Variants in FSTL4 observed in about 807,000 individuals in gnomAD.
FSTL4 encodes follistatin-related protein 4.
In FSTL4, 28 loss-of-function variants were observed where a neutral mutation model predicts 78.2. The ratio of observed to expected loss-of-function variants is 0.36; its 90% CI spans 0.27 to 0.49. The LOEUF (loss-of-function observed/expected upper bound fraction) is 0.49, where lower values mean the gene tolerates loss of function less well. FSTL4 is among the 20% of genes least tolerant of loss of function. The pLI, the probability that FSTL4 is intolerant of heterozygous loss-of-function variation, is 0.98. For synonymous variants in FSTL4, 422 were observed against 440.5 expected (o/e 0.96, Z 0.53); for missense variants, 922 against 1,084.9 (o/e 0.85, Z 2.11).
At chr5:133,733,019 C>A in the FSTL4 span, among the ~76,000 whole-genome samples, 1 of 152,210 alleles carries the variant, frequency 6.6e-6, no homozygotes, top group Middle Eastern at 3.2e-3. Flanking sequence ...CAAGTTCTGA[C>A]CCCCACCTAG....
At chr5:133,451,875 G>C (rs1757390961) in intron 3 of FSTL4, among the ~76,000 whole-genome samples, 1 of 152,224 alleles carries the variant, frequency 6.6e-6, no homozygotes, top group South Asian at 2.1e-4. Flanking sequence ...ACCAAGGGAA[G>C]AGAGCATCGA....
chr5:133,620,578 C>G, the FSTL4 span, among the ~76,000 whole-genome samples: 1 of 152,112 alleles, frequency 6.6e-6, no homozygotes, highest in East Asian at 1.9e-4. Flanking sequence ...TTAAACACAG[C>G]CTATTATGGG....
rs546556598 is a variant in FSTL4 at position 133,447,980 on chromosome 5, G to T, written c.161-46994C>A. Among the ~76,000 whole-genome samples, 69 of 151,688 alleles carry T rather than the reference G, an allele frequency of 4.5e-4. 2 individuals are homozygous for T. The South Asian group carries it at 0.014, about 31-fold the overall frequency. The stretch of plus-strand genomic sequence containing the variant: ...AGATGGCAAGATTTTTTAATTTCAG[G>T]TACCTTCAAGGAGGAAATTGTCATT... On this transcript the variant is annotated intron_variant, in intron 3 of 15. Transcript: ENST00000265342.
At chr5:133,230,911 A>G (rs748611797) in intron 8 of FSTL4, among the ~76,000 whole-genome samples, 84 of 152,278 alleles carry the variant, frequency 5.5e-4, no homozygotes, top group Admixed American at 1.0e-3. Context: ...TCTAGTGGAA[A>G]CCTGGCTTCC....
At chr5:133,201,428 G>T (rs1173876688) in intron 15 of FSTL4, among the ~76,000 whole-genome samples, 2 of 152,170 alleles carry the variant, frequency 1.3e-5, no homozygotes, top group African/African-American at 4.8e-5. Flanking sequence ...AAAGTATTAT[G>T]GGCTGTGGTT....
intron 6 of FSTL4, among the ~76,000 whole-genome samples, chr5:133,302,040 G>A (rs555595535): frequency 6.6e-6 from 1 of 152,050 alleles, no homozygotes; most frequent in East Asian, 1.9e-4. Context: ...CCTGTGCTGA[G>A]TCCAGCCTAT....
chr5:133,722,161 C>T, the FSTL4 span, among the ~76,000 whole-genome samples: 5 of 152,180 alleles, frequency 3.3e-5, no homozygotes, highest in African/African-American at 7.2e-5. Context: ...GTGAGTAGTA[C>T]GTCCTGAGCT....
At chr5:133,732,643 G>A in the FSTL4 span, among the ~76,000 whole-genome samples, 35 of 152,136 alleles carry the variant, frequency 2.3e-4, no homozygotes, top group East Asian at 2.3e-3. Context: ...CACTTACATC[G>A]GTCACACACT....
chr5:133,636,435 G>C, the FSTL4 span, among the ~76,000 whole-genome samples: 1 of 152,126 alleles, frequency 6.6e-6, no homozygotes, highest in Non-Finnish European at 1.5e-5. Context: ...TAAACCCCTT[G>C]GTGTCCAGTG....
chr5:133,199,138 C>T lies in FSTL4; in HGVS notation c.2486G>A (p.Gly829Asp), dbSNP rs781004091. ...RQNTLRCEVS[G>D]IKGGTTVVWV... ...CACCACTGTGGTCCCCCCCTTTATACCTGACACCTCACACCGCAGCGTGTT... is the reference window on the plus strand; with the variant it reads ...CACCACTGTGGTCCCCCCCTTTATATCTGACACCTCACACCGCAGCGTGTT... The change falls in exon 16 of 16, where the codon GGT (glycine) becomes GAT (aspartate). Residue 829 changes from glycine (G) to aspartate (D), a missense_variant. Gly to Asp is a moderately conservative substitution (Grantham distance 94). Transcript: ENST00000265342. The surrounding 1 kb of genome is among the most constrained non-coding windows in gnomAD (Gnocchi z 4.4). The T allele has an allele frequency of 6.3e-7, 1 of 1,584,300 alleles. No homozygotes were observed. The highest frequency in any genetic ancestry group is 8.6e-7 in the Non-Finnish European group (1 of 1,162,376).
intron 4 of FSTL4, among the ~76,000 whole-genome samples, chr5:133,330,183 G>T (rs1222675852): frequency 2.0e-5 from 3 of 152,086 alleles, no homozygotes; most frequent in African/African-American, 7.2e-5. Flanking sequence ...ATACTGAAAG[G>T]TTTATTTTAT....
chr5:133,297,876 T>A (rs6893561), intron 6 of FSTL4, among the ~76,000 whole-genome samples: 1 of 152,058 alleles, frequency 6.6e-6, no homozygotes, highest in Non-Finnish European at 1.5e-5. Flanking sequence ...AGGTGGGGTG[T>A]GCAGCGTCGG....
intron 6 of FSTL4, among the ~76,000 whole-genome samples, chr5:133,260,868 C>G (rs1406616366): frequency 6.6e-6 from 1 of 152,210 alleles, no homozygotes; most frequent in East Asian, 1.9e-4. Flanking sequence ...CATCCCTCTC[C>G]AACTGGTGAC....
intron 6 of FSTL4, among the ~76,000 whole-genome samples, chr5:133,299,377 G>A (rs1581602209): frequency 6.6e-6 from 1 of 152,208 alleles, no homozygotes; most frequent in East Asian, 1.9e-4. Flanking sequence ...CCCTTAACCA[G>A]CAGCACATCC....
chr5:133,787,484 C>T, the FSTL4 span, among the ~76,000 whole-genome samples: 1 of 152,194 alleles, frequency 6.6e-6, no homozygotes, highest in East Asian at 1.9e-4. Flanking sequence ...ACCATGTCTT[C>T]CTGGAGGAGC....
chr5:133,528,082 C>T (rs1759173048), intron 3 of FSTL4, among the ~76,000 whole-genome samples: 1 of 152,214 alleles, frequency 6.6e-6, no homozygotes, highest in Non-Finnish European at 1.5e-5. Context: ...TTCAGGTGTA[C>T]ACAGTGGAAC....
chr5:133,733,220 T>C, the FSTL4 span, among the ~76,000 whole-genome samples: 1 of 152,382 alleles, frequency 6.6e-6, no homozygotes, highest in South Asian at 2.1e-4. Flanking sequence ...ATAACACTCT[T>C]AGATTCCCAG....
At chr5:133,690,166 G>A in the FSTL4 span, among the ~76,000 whole-genome samples, 3 of 152,048 alleles carry the variant, frequency 2.0e-5, no homozygotes, top group East Asian at 5.8e-4. Flanking sequence ...CCATACCTGT[G>A]CCCTGCTGGG....
intron 3 of FSTL4, among the ~76,000 whole-genome samples, chr5:133,436,675 C>T (rs1375591417): frequency 1.3e-5 from 2 of 152,070 alleles, no homozygotes; most frequent in African/African-American, 4.8e-5. Context: ...AAGTCATCCA[C>T]GGTAGTAGTA....
Sources: allele counts gnomAD v4.1 joint callset (sites outside exome capture counted in the v4.1 genomes callset), GRCh38; gene constraint gnomAD v4.1.1; non-coding constraint Gnocchi (gnomAD v3.1); transcripts MANE v1.5; gene names NCBI Gene and HGNC (gene_info 2026-07-23, HGNC 2026-07-21).